MEIG1: variants seen among roughly 807,000 people sequenced by gnomAD.
MEIG1 encodes the protein meiosis/spermiogenesis associated 1.
MEIG1 carries 12 observed loss-of-function variants against 11.3 expected under a neutral mutation model. That is an observed-to-expected ratio of 1.07 (90% CI 0.68 to 1.73). The LOEUF is 1.73. MEIG1 is among the 40% of genes most tolerant of loss of function. MEIG1 has a pLI of 0.00. For synonymous variants in MEIG1, 41 were observed against 33.2 expected, an observed-to-expected ratio of 1.24 and a Z score of -0.81; for missense variants, 119 against 104.9, an observed-to-expected ratio of 1.13 and a Z score of -0.59.
At chr10:14,966,722 T>C in intron 2 of MEIG1, 116 bp downstream of exon 2, 2 of 979,596 alleles carry the variant, frequency 2.0e-6, no homozygotes, top group Non-Finnish European at 3.0e-6. Context: ...TCTCTCATTT[T>C]ATTTGTTTTC....
upstream of MEIG1, among the ~76,000 whole-genome samples, chr10:14,958,701 C>G (rs1011348137): frequency 7.2e-5 from 11 of 152,238 alleles, no homozygotes; most frequent in Non-Finnish European, 1.2e-4. Flanking sequence ...TCGAGATCAT[C>G]CTGGCTAACA....
At position 14,964,340 on chromosome 10, in the gene MEIG1, T is replaced by C. The variant is rs573169316; in HGVS notation, c.-29-2100T>C. Among the ~76,000 whole-genome samples the C allele has an allele frequency of 5.9e-5, 9 of 152,048 alleles. No individual in the cohort carries two copies. In the East Asian group the frequency reaches 1.7e-3, roughly 29 times the overall value. On this transcript the variant is annotated intron_variant, in intron 1 of 2. Coordinates refer to ENST00000407572, the MANE Select transcript of MEIG1 (RefSeq NM_001080836.3). ...AAATATTTGTCTGAAATTCAGCAAGTCTGTCTATTTTATTTCCATTTCCTA... is the reference window on the plus strand; with the variant it reads ...AAATATTTGTCTGAAATTCAGCAAGCCTGTCTATTTTATTTCCATTTCCTA...
At chr10:14,982,189 G>A (rs1260670817) in intron 1 of MEIG1, among the ~76,000 whole-genome samples, 1 of 152,090 alleles carries the variant, frequency 6.6e-6, no homozygotes, top group African/African-American at 2.4e-5. Flanking sequence ...TTTCCTGAAT[G>A]ACCTCAGAGA....
upstream of MEIG1, among the ~76,000 whole-genome samples, chr10:14,959,217 G>T (rs1194393931): frequency 6.6e-6 from 1 of 152,202 alleles, no homozygotes; most frequent in African/African-American, 2.4e-5. Context: ...TCTCTGCTCA[G>T]GGGTGAGCCC....
the MEIG1 span, chr10:14,954,317 C>T: frequency 3.9e-5 from 19 of 488,034 alleles, no homozygotes; most frequent in Non-Finnish European, 6.0e-5. Context: ...AAGGCGTTGC[C>T]CATGTCTGTG....
chr10:14,976,363 C>G (rs1370910270), downstream of MEIG1, among the ~76,000 whole-genome samples: 3 of 152,118 alleles, frequency 2.0e-5, no homozygotes, highest in Non-Finnish European at 4.4e-5. Flanking sequence ...AGTATCCTAG[C>G]GGGACATTAA....
intron 1 of MEIG1, among the ~76,000 whole-genome samples, chr10:14,961,841 C>T (rs1843018052): frequency 6.6e-6 from 1 of 150,838 alleles, no homozygotes; most frequent in Non-Finnish European, 1.5e-5. Flanking sequence ...GGGTCTCATT[C>T]TTGTCTCCCA....
At chr10:14,962,856 C>T (rs576521554) in intron 1 of MEIG1, among the ~76,000 whole-genome samples, 1 of 151,990 alleles carries the variant, frequency 6.6e-6, no homozygotes, top group African/African-American at 2.4e-5. Context: ...CCTCCATCTC[C>T]CAGGTTCAAG....
At chr10:14,984,492 T>A (rs1248084567) in intron 1 of MEIG1, among the ~76,000 whole-genome samples, 2 of 152,144 alleles carry the variant, frequency 1.3e-5, no homozygotes, top group African/African-American at 4.8e-5. Flanking sequence ...AAGAAGAATG[T>A]CACAATGTGT....
intron 1 of MEIG1, among the ~76,000 whole-genome samples, chr10:14,966,068 T>TTTTTTTG: frequency 7.2e-6 from 1 of 139,840 alleles, no homozygotes; most frequent in Non-Finnish European, 1.6e-5. Context: ...TATTTATTCT[T>TTTTTTTG]TTTTTTTTTT....
rs370821971 is a variant in MEIG1 at position 14,972,481 on chromosome 10, G to T, written c.139-32G>T. The T allele has an allele frequency of 3.1e-6, 5 of 1,613,044 alleles. No homozygotes were observed. In the African/African-American group the frequency reaches 5.3e-5, roughly 17 times the overall value. ...ATGAGATAAAAATCAACCCTCCATT[G>T]TAACGTTTGTACTCTGGTTCTTGAT... is the stretch of plus-strand genomic sequence containing the variant. On this transcript the variant is annotated intron_variant, in intron 2 of 2. Transcript: ENST00000407572.
chr10:14,960,285 T>G (rs974399747), intron 1 of MEIG1, among the ~76,000 whole-genome samples: 4 of 152,238 alleles, frequency 2.6e-5, no homozygotes, highest in Non-Finnish European at 4.4e-5. Context: ...CTTGAAGTTT[T>G]AATACTACTA....
chr10:14,965,976 CT>C (rs746434426), intron 1 of MEIG1, among the ~76,000 whole-genome samples: 3 of 151,674 alleles, frequency 2.0e-5, no homozygotes, highest in Non-Finnish European at 4.4e-5. Flanking sequence ...ATGAATCCTT[CT>C]CAATCTTGGA....
intron 1 of MEIG1, among the ~76,000 whole-genome samples, chr10:14,986,303 C>T (rs930448264): frequency 6.6e-6 from 1 of 152,098 alleles, no homozygotes; most frequent in Non-Finnish European, 1.5e-5. Flanking sequence ...TCAGCCTGGG[C>T]AACAAGAGCG....
At chr10:14,983,302 G>T (rs1469689562) in intron 1 of MEIG1, among the ~76,000 whole-genome samples, 3 of 152,008 alleles carry the variant, frequency 2.0e-5, no homozygotes, top group Non-Finnish European at 4.4e-5. Flanking sequence ...TCCCAGTATC[G>T]CAGGAAGTGC....
intron 1 of MEIG1, among the ~76,000 whole-genome samples, chr10:14,960,570 C>A (rs964452328): frequency 2.6e-5 from 4 of 152,072 alleles, no homozygotes; most frequent in Non-Finnish European, 5.9e-5. Flanking sequence ...AGGTGCCCGC[C>A]ACGATGCCCG....
chr10:14,971,463 A>T (rs1046770985), intron 2 of MEIG1, among the ~76,000 whole-genome samples: 58 of 152,120 alleles, frequency 3.8e-4, no homozygotes, highest in African/African-American at 1.4e-3. Context: ...GGATCCCCTG[A>T]GCCCAGGAGG....
Position 14,972,772 on chromosome 10 carries a change from C to A in MEIG1, c.*131C>A. 1.1e-6 allele frequency: 1 copy of A among 887,202 alleles called. No homozygotes were observed. The allele number at this position is 887,202 out of a possible 1,614,324, so 55.0% of individuals were successfully genotyped here. A position where few individuals can be genotyped will look rare whatever the true frequency, so the allele number is the denominator to read the frequency against. ...TTTAATGTTTTGTGAAACACAAAAG[C>A]CATGAGAATTGGTATCTGCTAATCA... is the stretch of plus-strand genomic sequence containing the variant. On this transcript the variant is annotated 3_prime_UTR_variant, in exon 3 of 3. Coordinates refer to ENST00000407572, the MANE Select transcript of MEIG1 (RefSeq NM_001080836.3).
chr10:14,965,866 GATT>G (rs1843077035), intron 1 of MEIG1, among the ~76,000 whole-genome samples: 1 of 152,056 alleles, frequency 6.6e-6, no homozygotes, highest in African/African-American at 2.4e-5. Flanking sequence ...CTCTGACTGG[GATT>G]TTATTGATAA....
Sources: allele counts gnomAD v4.1 joint callset (sites outside exome capture counted in the v4.1 genomes callset), GRCh38; gene constraint gnomAD v4.1.1; transcripts MANE v1.5; gene names NCBI Gene and HGNC (gene_info 2026-07-23, HGNC 2026-07-21).